SYBU: variants seen among roughly 807,000 people sequenced by gnomAD.
SYBU encodes the protein GOLSYN A protein.
SYBU carries 21 observed loss-of-function variants against 35.9 expected under a neutral mutation model. The ratio of observed to expected loss-of-function variants is 0.58; its 90% confidence interval spans 0.41 to 0.84. The LOEUF (loss-of-function observed/expected upper bound fraction) is 0.84, where lower values mean the gene tolerates loss of function less well. SYBU is among the 40% of genes least tolerant of loss of function. SYBU has a pLI of 0.00. For synonymous variants in SYBU, 319 were observed against 324.3 expected (o/e 0.98, Z 0.18); for missense variants, 768 against 848.2 (o/e 0.91, Z 1.17).
intron 1 of SYBU, chr8:109,643,788 T>A: frequency 3.1e-6 from 1 of 321,098 alleles, no homozygotes; most frequent in South Asian, 2.6e-5. Flanking sequence ...CCAATGAATG[T>A]CCCTATTTTC....
At chr8:109,648,485 C>T (rs928662456), upstream of SYBU, among the ~76,000 whole-genome samples, 11 of 151,774 alleles carry the variant, frequency 7.2e-5, no homozygotes, top group Non-Finnish European at 1.3e-4. Flanking sequence ...TTTATTTGAG[C>T]CTCACAAAAA....
At chr8:109,582,995 T>A (rs1823214840) in intron 4 of SYBU, among the ~76,000 whole-genome samples, 1 of 152,134 alleles carries the variant, frequency 6.6e-6, no homozygotes. Flanking sequence ...AGTAAATACA[T>A]TTCTGTTGTT....
upstream of SYBU, among the ~76,000 whole-genome samples, chr8:109,681,979 A>C (rs1341439806): frequency 6.6e-6 from 1 of 152,158 alleles, no homozygotes; most frequent in African/African-American, 2.4e-5. Flanking sequence ...GTGAAGAAGG[A>C]CATGTTTACT....
chr8:109,599,046 A>AC (rs1243073659), intron 3 of SYBU, among the ~76,000 whole-genome samples: 2 of 152,070 alleles, frequency 1.3e-5, no homozygotes, highest in Non-Finnish European at 2.9e-5. Context: ...TGCCACCCTC[A>AC]CCCCCCATCC....
chr8:109,580,250 T>C, intron 4 of SYBU: 3 of 479,320 alleles, frequency 6.3e-6, no homozygotes, highest in Non-Finnish European at 1.1e-5. Flanking sequence ...TAAAGCTTTT[T>C]TTGGATAACA....
chr8:109,576,031 G>T lies in SYBU; in HGVS notation c.885-18C>A. ...CACTTTCCCTAGAGTGCCAAGACAA[G>T]CATGGTTAATTAAAAAAAAAAAAAA... On this transcript the variant is annotated intron_variant, in intron 6 of 6. Transcript: ENST00000276646. 3.5e-6 allele frequency: 2 copies of T among 577,082 alleles called. No individual in the cohort carries two copies. The highest frequency in any genetic ancestry group is 5.2e-6 in the Non-Finnish European group (2 of 382,816). 35.7% of individuals were successfully genotyped at this position (577,082 alleles called of 1,614,324 possible).
In SYBU at chr8:109,575,296, C is replaced by T; in HGVS notation, c.1602G>A (p.Glu534=). 6.2e-7 allele frequency: 1 copy of T among 1,614,190 alleles called. No homozygotes were observed. ...AATCAACCACTAAGGCAGAGAGGGA[C>T]TCTGGGAAGCTCTCCATCGAGTCTG... The part of the protein sequence containing the change: ...SEPDSMESFP[E]SLSALVVDLT... The change falls in exon 7 of 7, where the codon GAG becomes GAA. Residue 534 remains glutamate, a synonymous_variant. Coordinates refer to ENST00000276646, the MANE Select transcript of SYBU (RefSeq NM_001099754.2).
chr8:109,657,758 G>A (rs889969292), intron 1 of SYBU, among the ~76,000 whole-genome samples: 10 of 152,318 alleles, frequency 6.6e-5, no homozygotes, highest in African/African-American at 2.2e-4. Flanking sequence ...CAACTGGGAA[G>A]CAACCACATG....
intron 1 of SYBU, among the ~76,000 whole-genome samples, chr8:109,650,187 A>G (rs1200843593): frequency 1.3e-5 from 2 of 152,174 alleles, no homozygotes; most frequent in Non-Finnish European, 2.9e-5. Context: ...CAGCATCCAT[A>G]GCAGTCTAGG....
intron 3 of SYBU, among the ~76,000 whole-genome samples, chr8:109,613,050 T>C (rs1379118706): frequency 6.6e-6 from 1 of 151,986 alleles, no homozygotes; most frequent in African/African-American, 2.4e-5. Context: ...ACCTAGCTTT[T>C]TAGTGGTCTC....
intron 1 of SYBU, among the ~76,000 whole-genome samples, chr8:109,658,523 T>C (rs578049314): frequency 6.6e-6 from 1 of 152,164 alleles, no homozygotes; most frequent in Non-Finnish European, 1.5e-5. Flanking sequence ...TAAGACAAGG[T>C]ATGTGAATGA....
intron 2 of SYBU, among the ~76,000 whole-genome samples, chr8:109,624,734 T>A (rs1563736658): frequency 6.6e-6 from 1 of 152,250 alleles, no homozygotes; most frequent in Non-Finnish European, 1.5e-5. Flanking sequence ...ATGTTCACCT[T>A]ATGAAATATA....
At position 109,689,611 on chromosome 8, in the gene SYBU, C is replaced by T. The variant is rs373061112; in HGVS notation, c.-58+1722G>A. Among the ~76,000 whole-genome samples, 112 of 152,236 alleles carry T rather than the reference C, an allele frequency of 7.4e-4. No homozygotes were observed. In the East Asian group the frequency reaches 0.01, roughly 14 times the overall value. The stretch of plus-strand genomic sequence containing the variant: ...GCTCCCAAAGTTCTGGGATTACAGG[C>T]GCAAGCCACCATGCCAGGCCTGTCA... On this transcript the variant is annotated intron_variant, in intron 1 of 7. Transcript: ENST00000422135.
rs759743375 is a variant in SYBU, at chr8:109,625,374, T to C, written c.230-6335A>G. Among the ~76,000 whole-genome samples the C allele has an allele frequency of 6.1e-4, 93 of 152,374 alleles. 1 individual carries two copies. The highest frequency in any genetic ancestry group is 2.5e-3 in the Admixed American group (39 of 15,306). On this transcript the variant is annotated intron_variant, in intron 2 of 6. Transcript: ENST00000276646. ...TATTTTATTTGATTTCTTGAAAACATTATTTTAAAGGAGTGCTGATTTAAA... is the reference window on the plus strand; with the variant it reads ...TATTTTATTTGATTTCTTGAAAACACTATTTTAAAGGAGTGCTGATTTAAA...
At chr8:109,630,426 T>TAA (rs965667618) in intron 2 of SYBU, among the ~76,000 whole-genome samples, 2 of 134,726 alleles carry the variant, frequency 1.5e-5, no homozygotes, top group African/African-American at 2.8e-5. Flanking sequence ...AGTATAATAA[T>TAA]AAAAAAAAAA....
At position 109,576,050 on chromosome 8, in the gene SYBU, A is replaced by T. The variant is rs779203597; in HGVS notation, c.885-37T>A. On this transcript the variant is annotated intron_variant, in intron 6 of 6. Coordinates refer to ENST00000276646, the MANE Select transcript of SYBU (RefSeq NM_001099754.2). ...AGACAAGCATGGTTAATTAAAAAAA[A>T]AAAAAAAAAAAAAAAAAAAACTTTC... 4.1e-5 allele frequency: 60 copies of T among 1,468,360 alleles called. No individual in the cohort carries two copies. The African/African-American group carries it at 6.1e-4, about 15-fold the overall frequency. The allele number at this position is 1,468,360 out of a possible 1,614,324, so 91.0% of individuals were successfully genotyped here.
At chr8:109,576,130 C>A in intron 6 of SYBU, 117 bp from the exon 7 acceptor site, 1 of 1,242,314 alleles carries the variant, frequency 8.0e-7, no homozygotes, top group Non-Finnish European at 1.1e-6. Flanking sequence ...AGCTCATACT[C>A]TTCCACTTGA....
intron 2 of SYBU, among the ~76,000 whole-genome samples, chr8:109,641,818 G>A (rs1464291364): frequency 2.6e-5 from 4 of 152,212 alleles, no homozygotes; most frequent in African/African-American, 9.6e-5. Flanking sequence ...ATGCTGGAGA[G>A]GATGTGGAGA....
intron 1 of SYBU, among the ~76,000 whole-genome samples, chr8:109,675,825 A>G (rs1461284208): frequency 6.6e-6 from 1 of 152,184 alleles, no homozygotes; most frequent in Non-Finnish European, 1.5e-5. Flanking sequence ...AACCTGGCAG[A>G]GACACAACAA....
Sources: allele counts gnomAD v4.1 joint callset (sites outside exome capture counted in the v4.1 genomes callset), GRCh38; gene constraint gnomAD v4.1.1; transcripts MANE v1.5; gene names NCBI Gene and HGNC (gene_info 2026-07-23, HGNC 2026-07-21).